CTNNA3: variants seen among roughly 807,000 people sequenced by gnomAD.
The protein encoded by CTNNA3 is catenin alpha 3.
CTNNA3 carries 76 observed loss-of-function variants against 95.7 expected under a neutral mutation model. The observed-to-expected ratio is 0.79, with a 90% CI of 0.66 to 0.96. CTNNA3 has a LOEUF of 0.96. Ranked by LOEUF, CTNNA3 falls within the 40% of genes least tolerant of loss-of-function variation. CTNNA3 has a pLI of 0.00. For synonymous variants in CTNNA3, 431 were observed against 374.4 expected (o/e 1.15, Z -1.74); for missense variants, 1,191 against 1,089.8 (o/e 1.09, Z -1.31).
intron 7 of CTNNA3, among the ~76,000 whole-genome samples, chr10:67,107,542 C>T (rs1032517336): frequency 6.6e-6 from 1 of 152,156 alleles, no homozygotes; most frequent in Non-Finnish European, 1.5e-5. Flanking sequence ...AATGAAAACA[C>T]GGCCTTTAGA....
At chr10:66,933,788 TTCA>T (rs1847540504) in intron 7 of CTNNA3, among the ~76,000 whole-genome samples, 3 of 152,330 alleles carry the variant, frequency 2.0e-5, no homozygotes, top group African/African-American at 4.8e-5. Flanking sequence ...ACATCATTAA[TTCA>T]TCAAAGAATG....
intron 12 of CTNNA3, among the ~76,000 whole-genome samples, chr10:66,317,696 T>A (rs4615911): frequency 0.29 from 18,586 of 64,894 alleles, 1,316 homozygotes; most frequent in South Asian, 0.34. Flanking sequence ...AAATTTAAAA[T>A]GAGAAAAGAA....
chr10:67,520,604 TA>T (rs1217666552), intron 5 of CTNNA3, among the ~76,000 whole-genome samples: 1 of 152,134 alleles, frequency 6.6e-6, no homozygotes, highest in Non-Finnish European at 1.5e-5. Flanking sequence ...TTAATTTTTT[TA>T]AAAAAACAAA....
chr10:66,222,647 G>T (rs1210008815), intron 13 of CTNNA3, among the ~76,000 whole-genome samples: 1 of 139,554 alleles, frequency 7.2e-6, no homozygotes, highest in African/African-American at 2.7e-5. Flanking sequence ...AGAAAGAAAA[G>T]AGAGGAAGAG....
chr10:66,856,468 G>A (rs1213897161), intron 7 of CTNNA3, among the ~76,000 whole-genome samples: 4 of 151,960 alleles, frequency 2.6e-5, no homozygotes, highest in Non-Finnish European at 5.9e-5. Context: ...TCTGTTTTTA[G>A]TTTCTTGAGA....
At chr10:67,109,290 C>T (rs1323901451) in intron 7 of CTNNA3, among the ~76,000 whole-genome samples, 6 of 152,084 alleles carry the variant, frequency 3.9e-5, no homozygotes, top group African/African-American at 1.4e-4. Flanking sequence ...GTGAATTTGC[C>T]TGATATACCA....
chr10:66,280,358 A>G (rs1056401491), intron 13 of CTNNA3, 112 bp downstream of exon 13: 42 of 934,254 alleles, frequency 4.5e-5, no homozygotes, highest in Non-Finnish European at 6.5e-5. Flanking sequence ...GTTTTAATAG[A>G]TTTCAGCATT....
At chr10:66,037,607 C>T (rs2079593337) in intron 15 of CTNNA3, among the ~76,000 whole-genome samples, 3 of 152,146 alleles carry the variant, frequency 2.0e-5, no homozygotes, top group Non-Finnish European at 4.4e-5. Context: ...TTTGCCAGTG[C>T]ACTACCTGGA....
rs185417683 is a variant in CTNNA3 at position 65,939,609 on chromosome 10, C to T, written c.2401-18992G>A. ...GACACTTTCTATAAACTAAGTACATCCTAGCTTAGTGTAATTTTTTGAGTC... is the reference window on the plus strand; with the variant it reads ...GACACTTTCTATAAACTAAGTACATTCTAGCTTAGTGTAATTTTTTGAGTC... On this transcript the variant is annotated intron_variant, in intron 17 of 17. Coordinates refer to ENST00000433211, the MANE Select transcript of CTNNA3 (RefSeq NM_013266.4). 6.6e-5 allele frequency among the ~76,000 whole-genome samples: 10 copies of T among 152,244 alleles called. No individual in the cohort carries two copies. The East Asian group carries it at 1.5e-3, about 24-fold the overall frequency.
At chr10:67,589,388 A>T (rs1254872655) in intron 3 of CTNNA3, among the ~76,000 whole-genome samples, 1 of 152,176 alleles carries the variant, frequency 6.6e-6, no homozygotes, top group Non-Finnish European at 1.5e-5. Flanking sequence ...GGCACTAAAT[A>T]TTTAACCAAA....
At chr10:66,518,090 G>C (rs570495661) in intron 11 of CTNNA3, among the ~76,000 whole-genome samples, 1 of 152,200 alleles carries the variant, frequency 6.6e-6, no homozygotes, top group South Asian at 2.1e-4. Context: ...AGGTATATGA[G>C]ATAAGGAAGG....
rs1170413518 is a variant in CTNNA3, at chr10:67,588,230, TTATTAATTATTAATAATTA to T, written c.292+18608_292+18626del. Among the ~76,000 whole-genome samples the T allele has an allele frequency of 3.3e-4, 20 of 61,318 alleles. No individual in the cohort carries two copies. The African/African-American group carries it at 5.4e-3, about 17-fold the overall frequency. The allele number at this position is 61,318 out of a possible 152,430, so 40.2% of individuals were successfully genotyped here. On this transcript the variant is annotated intron_variant, in intron 3 of 17. Coordinates refer to ENST00000433211, the MANE Select transcript of CTNNA3 (RefSeq NM_013266.4). ...TTCTTTTTTGTTAAGATCTATCTTA[TTATTAATTATTAATAATTA>T]AGAATTATTGTGTTCCTTTAGGTTT...
At chr10:66,364,741 G>A (rs934648736) in intron 12 of CTNNA3, among the ~76,000 whole-genome samples, 29 of 152,104 alleles carry the variant, frequency 1.9e-4, no homozygotes, top group Admixed American at 1.4e-3. Flanking sequence ...AGAGTTTAAC[G>A]TATTTTCACA....
chr10:67,728,092 GTAA>G (rs1440693133), intron 1 of CTNNA3, among the ~76,000 whole-genome samples: 9 of 139,710 alleles, frequency 6.4e-5, no homozygotes, highest in African/African-American at 1.6e-4. Flanking sequence ...TATATAATAT[GTAA>G]TATACATACA....
chr10:67,076,547 C>T (rs1925605), intron 7 of CTNNA3, among the ~76,000 whole-genome samples: 3 of 151,952 alleles, frequency 2.0e-5, no homozygotes, highest in Non-Finnish European at 2.9e-5. Flanking sequence ...TTCATTTGAG[C>T]ACATAGAGAA....
intron 6 of CTNNA3, among the ~76,000 whole-genome samples, chr10:67,194,390 T>C (rs1423140217): frequency 6.6e-6 from 1 of 151,846 alleles, no homozygotes; most frequent in Non-Finnish European, 1.5e-5. Flanking sequence ...TAAAAAGAAA[T>C]GAGATACCAA....
At chr10:67,112,810 G>T (rs1345010254) in intron 7 of CTNNA3, among the ~76,000 whole-genome samples, 1 of 151,994 alleles carries the variant, frequency 6.6e-6, no homozygotes, top group Non-Finnish European at 1.5e-5. Flanking sequence ...AGCCTTCAGG[G>T]ATTTTCTTCT....
At chr10:66,494,447 A>C (rs1052633592) in intron 11 of CTNNA3, among the ~76,000 whole-genome samples, 3 of 152,188 alleles carry the variant, frequency 2.0e-5, no homozygotes, top group Non-Finnish European at 4.4e-5. Flanking sequence ...CAATATCATA[A>C]ATTTCCCTTG....
chr10:67,435,746 C>T (rs1383180023), intron 5 of CTNNA3, among the ~76,000 whole-genome samples: 1 of 151,954 alleles, frequency 6.6e-6, no homozygotes, highest in Non-Finnish European at 1.5e-5. Flanking sequence ...AAATAAAATA[C>T]TTAGGAATAT....
Sources: allele counts gnomAD v4.1 joint callset (sites outside exome capture counted in the v4.1 genomes callset), GRCh38; gene constraint gnomAD v4.1.1; transcripts MANE v1.5; gene names NCBI Gene and HGNC (gene_info 2026-07-23, HGNC 2026-07-21).